The following FHAD1 variants were observed in gnomAD, a reference collection of about 807,000 sequenced individuals.
FHAD1 encodes forkhead associated phosphopeptide binding domain 1, also known as forkhead-associated domain-containing protein 1.
Under a neutral mutation model 191.3 loss-of-function variants are expected in FHAD1, and 146 were observed. The observed-to-expected ratio is 0.76, with a 90% CI of 0.67 to 0.88. FHAD1 has a LOEUF of 0.88. Ranked by LOEUF, FHAD1 falls within the 40% of genes least tolerant of loss-of-function variation. The probability of loss-of-function intolerance (pLI) is 0.00; values close to 1 mark genes in which losing one functional copy is unlikely to be tolerated. For missense variants in FHAD1, 1,635 were observed against 1,785.8 expected, an observed-to-expected ratio of 0.92 and a Z score of 1.52; for synonymous variants, 616 against 672.3, an observed-to-expected ratio of 0.92 and a Z score of 1.29.
chr1:15,244,392 G>A (rs1021994124), upstream of FHAD1, among the ~76,000 whole-genome samples: 1 of 152,176 alleles, frequency 6.6e-6, no homozygotes, highest in Non-Finnish European at 1.5e-5. The surrounding 1 kb of genome is among the most constrained non-coding windows in gnomAD (Gnocchi z 5.1). Flanking sequence ...AGCCTGGTGA[G>A]GGGCATGGGC....
Position 15,367,634 on chromosome 1 carries a change from G to A in FHAD1, c.3314+12G>A, listed in dbSNP as rs1205178565. On this transcript the variant is annotated intron_variant, in intron 25 of 33. Transcript: ENST00000688493. ...GAGGAGGCACTCAGGTTGGGTGGGC[G>A]GGGGCCGGGTTGGGGGGATGGTTTG... is the stretch of plus-strand genomic sequence containing the variant. The A allele has an allele frequency of 1.4e-5, 21 of 1,532,196 alleles. No individual in the cohort carries two copies. Among genetic ancestry groups the A allele is most frequent in the East Asian group, 4.9e-5 (2 of 40,698 alleles). 94.9% of individuals were successfully genotyped at this position (1,532,196 alleles called of 1,614,324 possible).
intron 20 of FHAD1, among the ~76,000 whole-genome samples, chr1:15,356,743 G>T (rs1276885053): frequency 2.0e-5 from 3 of 152,084 alleles, no homozygotes; most frequent in East Asian, 3.9e-4. Flanking sequence ...GTGGTGGTGG[G>T]TGCCTGTAAT....
intron 2 of FHAD1, among the ~76,000 whole-genome samples, chr1:15,265,915 G>A (rs554443797): frequency 1.5e-5 from 2 of 136,610 alleles, no homozygotes; most frequent in Non-Finnish European, 3.0e-5. Context: ...AGGTTGCAGT[G>A]AGCCAGGATT....
At chr1:15,391,386 G>A (rs577461082) in intron 33 of FHAD1, 123 bp downstream of exon 33, 100 of 477,216 alleles carry the variant, frequency 2.1e-4, no homozygotes, top group African/African-American at 1.8e-3. Context: ...CTAGTTCTGT[G>A]GTTTCACTGT....
chr1:15,322,855 C>A (rs1484306315), intron 10 of FHAD1, among the ~76,000 whole-genome samples: 2 of 152,202 alleles, frequency 1.3e-5, no homozygotes, highest in Non-Finnish European at 2.9e-5. Flanking sequence ...TTTCACACCG[C>A]TGTTAAAGAC....
At chr1:15,292,063 A>T (rs1664962022) in intron 4 of FHAD1, among the ~76,000 whole-genome samples, 1 of 152,188 alleles carries the variant, frequency 6.6e-6, no homozygotes, top group Non-Finnish European at 1.5e-5. Context: ...CTCAAAATTT[A>T]TATGTTGAAG....
chr1:15,275,671 CT>C (rs1658087862), intron 3 of FHAD1, among the ~76,000 whole-genome samples: 1 of 152,108 alleles, frequency 6.6e-6, no homozygotes, highest in African/African-American at 2.4e-5. Flanking sequence ...GACCTGTGAG[CT>C]ATAAAAAAGA....
Position 15,276,490 on chromosome 1 carries a change from A to C in FHAD1, c.300+3961A>C, listed in dbSNP as rs917306431. 3.3e-5 allele frequency among the ~76,000 whole-genome samples: 5 copies of C among 152,244 alleles called. No individual in the cohort carries two copies. Among genetic ancestry groups the C allele is most frequent in the Non-Finnish European group, 7.3e-5 (5 of 68,046 alleles). ...TGCTTAAGAGTACACGTTATATATC[A>C]TAGCTTTTTTGCCAAAGTATAGCCT... On this transcript the variant is annotated intron_variant, in intron 3 of 33. Coordinates refer to ENST00000688493, the MANE Select transcript of FHAD1 (RefSeq NM_001391957.1). The surrounding 1 kb of genome is among the most constrained non-coding windows in gnomAD (Gnocchi z 4.7).
At chr1:15,355,233 G>A (rs1051348092) in intron 20 of FHAD1, among the ~76,000 whole-genome samples, 10 of 151,776 alleles carry the variant, frequency 6.6e-5, no homozygotes, top group African/African-American at 2.2e-4. Context: ...AGAAAGTGGG[G>A]TCTTACGGCA....
chr1:15,260,528 G>A (rs1650534633), intron 2 of FHAD1, among the ~76,000 whole-genome samples: 1 of 152,196 alleles, frequency 6.6e-6, no homozygotes, highest in Non-Finnish European at 1.5e-5. Flanking sequence ...GGAGGCTCCA[G>A]GGAATCGTCT....
rs564913166 is a variant in FHAD1, at chr1:15,309,565, C to G, written c.1039+829C>G. On this transcript the variant is annotated intron_variant, in intron 7 of 33. Coordinates refer to ENST00000688493, the MANE Select transcript of FHAD1 (RefSeq NM_001391957.1). ...GTGAAGGAGAATAGCTTAGTGCAAG[C>G]TTGTCCAGCCCACGACCTGCGGGCC... Among the ~76,000 whole-genome samples the G allele has an allele frequency of 4.6e-5, 7 of 152,270 alleles. No individual in the cohort carries two copies. The South Asian group carries it at 1.5e-3, about 32-fold the overall frequency.
chr1:15,259,996 C>T (rs1161053386), intron 2 of FHAD1, among the ~76,000 whole-genome samples: 1 of 152,138 alleles, frequency 6.6e-6, no homozygotes, highest in Non-Finnish European at 1.5e-5. Context: ...AAAAAGGCCA[C>T]GTAAGCTAGG....
rs1474911088 is a variant in FHAD1, at chr1:15,381,526, G to A, written c.4022+75G>A. On this transcript the variant is annotated intron_variant, in intron 30 of 33. Transcript: ENST00000688493. The surrounding 1 kb of genome is among the most constrained non-coding windows in gnomAD (Gnocchi z 4.6). ...CCTGGCTAAACTCAGGCTAGCAGCAGACCTCTAGGCCTGGGACAGGAGGAC... is the reference window on the plus strand; with the variant it reads ...CCTGGCTAAACTCAGGCTAGCAGCAAACCTCTAGGCCTGGGACAGGAGGAC... 2.5e-6 allele frequency: 3 copies of A among 1,179,798 alleles called. No homozygotes were observed. The Admixed American group carries it at 6.1e-5, about 24-fold the overall frequency. The allele number at this position is 1,179,798 out of a possible 1,614,324, so 73.1% of individuals were successfully genotyped here.
At chr1:15,262,777 A>C (rs1333865503) in intron 2 of FHAD1, among the ~76,000 whole-genome samples, 1 of 152,224 alleles carries the variant, frequency 6.6e-6, no homozygotes, top group East Asian at 1.9e-4. Context: ...ACGACTGTAC[A>C]AATGTCTCTT....
At chr1:15,335,744 T>C (rs1425229514) in intron 14 of FHAD1, among the ~76,000 whole-genome samples, 4 of 152,194 alleles carry the variant, frequency 2.6e-5, no homozygotes, top group African/African-American at 9.7e-5. Flanking sequence ...TAAACAGAAG[T>C]ATAAGAAAGA....
chr1:15,316,263 G>A lies in FHAD1; in HGVS notation c.1171-115G>A. 1.3e-6 allele frequency: 1 copy of A among 788,848 alleles called. No homozygotes were observed. The highest frequency in any genetic ancestry group is 2.5e-5 in the Admixed American group (1 of 39,510). The allele number at this position is 788,848 out of a possible 1,614,324, so 48.9% of individuals were successfully genotyped here. On this transcript the variant is annotated intron_variant, in intron 8 of 33. Transcript: ENST00000688493. This position sits in a 1 kb window ranked among gnomAD's most constrained non-coding sequence, Gnocchi z 4.3. The stretch of plus-strand genomic sequence containing the variant: ...TTGGGATCTCAGTGCGTGACTGGAT[G>A]GAAACAGCAGGAAATGCTCTCAGGG...
Position 15,328,545 on chromosome 1 carries a change from A to C in FHAD1, c.1710+116A>C, listed in dbSNP as rs190613286. Reference sequence around the variant, plus strand: ...TTGGGCAGAAATGCTTGGCTTTTCTATCCACTTTTTCCTCTTGTTGGAGAA... The same window carrying C: ...TTGGGCAGAAATGCTTGGCTTTTCTCTCCACTTTTTCCTCTTGTTGGAGAA... On this transcript the variant is annotated intron_variant, in intron 13 of 33. Transcript: ENST00000688493. The C allele has an allele frequency of 3.4e-6, 3 of 887,098 alleles. No individual in the cohort carries two copies. In the African/African-American group the frequency reaches 5.2e-5, roughly 15 times the overall value. The allele number at this position is 887,098 out of a possible 1,614,324, so 55.0% of individuals were successfully genotyped here.
chr1:15,245,452 A>G (rs1056546793), upstream of FHAD1, among the ~76,000 whole-genome samples: 3 of 152,172 alleles, frequency 2.0e-5, no homozygotes. Context: ...ATTTTAGAAA[A>G]GATGATATGT....
At chr1:15,305,853 A>G (rs1181415605) in intron 6 of FHAD1, 2 of 398,280 alleles carry the variant, frequency 5.0e-6, no homozygotes, top group Non-Finnish European at 9.9e-6. Flanking sequence ...TCTTCCCAGT[A>G]TCGGGTATGG....
Sources: gnomAD v4.1 joint callset for allele counts (sites outside exome capture counted in the v4.1 genomes callset) on GRCh38, gnomAD v4.1.1 for gene constraint, Gnocchi (gnomAD v3.1) non-coding constraint, MANE v1.5 for transcripts, NCBI Gene and HGNC (gene_info 2026-07-23, HGNC 2026-07-21) for gene names.